The following ENPEP variants were observed in gnomAD, a reference collection of about 807,000 sequenced individuals.
ENPEP encodes the protein glutamyl aminopeptidase.
Under a neutral mutation model 114.5 loss-of-function variants are expected in ENPEP, and 103 were observed. That is an observed-to-expected ratio of 0.90 (90% confidence interval 0.77 to 1.06). The LOEUF is 1.06. Among genes scored for constraint, ENPEP ranks in the 50% least tolerant of loss-of-function variants. The pLI is 0.00. For synonymous variants in ENPEP, 420 were observed against 422.0 expected (o/e 1.00, Z 0.06); for missense variants, 1,196 against 1,161.3 (o/e 1.03, Z -0.43).
chr4:110,557,550 A>G (rs1356720984), intron 18 of ENPEP, among the ~76,000 whole-genome samples: 2 of 152,202 alleles, frequency 1.3e-5, no homozygotes, highest in African/African-American at 4.8e-5. Flanking sequence ...ACCTGATGCT[A>G]CAAAGGATGT....
chr4:110,515,935 A>G (rs1020315603), intron 8 of ENPEP: 3 of 374,580 alleles, frequency 8.0e-6, no homozygotes, highest in African/African-American at 6.3e-5. Context: ...TCTTATAAGG[A>G]TACTGGTTCC....
intron 10 of ENPEP, among the ~76,000 whole-genome samples, chr4:110,529,228 A>T (rs1726311545): frequency 6.6e-6 from 1 of 152,154 alleles, no homozygotes; most frequent in Admixed American, 6.5e-5. Context: ...TCAGATTGGC[A>T]TTGGGGAAAG....
At chr4:110,503,927 A>G (rs1725259311) in intron 3 of ENPEP, among the ~76,000 whole-genome samples, 1 of 152,220 alleles carries the variant, frequency 6.6e-6, no homozygotes, top group South Asian at 2.1e-4. Flanking sequence ...TTGCTCAGCC[A>G]CAAGGCTCCT....
At chr4:110,519,281 G>A (rs1332195755) in intron 8 of ENPEP, 1 of 308,030 alleles carries the variant, frequency 3.2e-6, no homozygotes. Context: ...GAGTGAAAAT[G>A]ATATGTGCAA....
chr4:110,543,933 G>A (rs1424551507), intron 13 of ENPEP, among the ~76,000 whole-genome samples: 1 of 151,940 alleles, frequency 6.6e-6, no homozygotes, highest in Non-Finnish European at 1.5e-5. Context: ...CAAACTGAAG[G>A]TTCATGAGGG....
At chr4:110,549,460 T>C (rs540166459) in intron 15 of ENPEP, 41 bp downstream of exon 15, 10 of 1,612,288 alleles carry the variant, frequency 6.2e-6, no homozygotes, top group African/African-American at 2.7e-5. Context: ...ATTTAACATT[T>C]GTTTTTTGTT....
intron 1 of ENPEP, among the ~76,000 whole-genome samples, chr4:110,485,523 TCAAGAAATTTAA>T (rs1022956367): frequency 6.6e-6 from 1 of 152,140 alleles, no homozygotes; most frequent in African/African-American, 2.4e-5. Context: ...GTCATCAAAA[TCAAGAAATTTAA>T]CATTAATACA....
intron 11 of ENPEP, among the ~76,000 whole-genome samples, chr4:110,535,116 G>A (rs1726562526): frequency 6.6e-6 from 1 of 152,158 alleles, no homozygotes; most frequent in Non-Finnish European, 1.5e-5. Context: ...AAGGATTGAA[G>A]GTTGTTATAT....
At chr4:110,527,665 G>A (rs909844908) in intron 10 of ENPEP, among the ~76,000 whole-genome samples, 2 of 152,034 alleles carry the variant, frequency 1.3e-5, no homozygotes, top group Non-Finnish European at 2.9e-5. Flanking sequence ...ACTATAAAGT[G>A]TTTCTTTTAT....
intron 2 of ENPEP, among the ~76,000 whole-genome samples, chr4:110,490,759 G>A (rs1291036734): frequency 6.6e-6 from 1 of 152,170 alleles, no homozygotes; most frequent in Non-Finnish European, 1.5e-5. Context: ...AGTGTAGACA[G>A]ATAAACTCCT....
chr4:110,479,910 C>G (rs1203616224), intron 1 of ENPEP, among the ~76,000 whole-genome samples: 1 of 152,088 alleles, frequency 6.6e-6, no homozygotes, highest in Non-Finnish European at 1.5e-5. Context: ...TAATAAGTTT[C>G]TATTATGTAC....
At position 110,561,667 on chromosome 4, in the gene ENPEP, C is replaced by A; in HGVS notation, c.*109C>A. ...GAGAGAGCCTTATAAACAGATAATG[C>A]TTTTACTAAGCACTGTGTTTATATG... On this transcript the variant is annotated 3_prime_UTR_variant, in exon 20 of 20. Coordinates refer to ENST00000265162, the MANE Select transcript of ENPEP (RefSeq NM_001977.4). 1.9e-6 allele frequency: 2 copies of A among 1,035,552 alleles called. No individual in the cohort carries two copies. Among genetic ancestry groups the A allele is most frequent in the Non-Finnish European group, 1.4e-6 (1 of 720,842 alleles). The allele number at this position is 1,035,552 out of a possible 1,614,324, so 64.1% of individuals were successfully genotyped here.
At chr4:110,533,130 TGTTTACAA>T in intron 11 of ENPEP, 1 of 449,238 alleles carries the variant, frequency 2.2e-6, no homozygotes, top group Non-Finnish European at 4.5e-6. Flanking sequence ...TTTGATTTAC[TGTTTACAA>T]GTTTGAAAGC....
At chr4:110,513,313 T>C in intron 6 of ENPEP, 102 bp from the exon 7 acceptor site, 1 of 1,301,322 alleles carries the variant, frequency 7.7e-7, no homozygotes, top group South Asian at 1.6e-5. Flanking sequence ...ACTTAAGTCA[T>C]TTATATTTAT....
Position 110,506,656 on chromosome 4 carries a change from C to G in ENPEP, c.938C>G (p.Pro313Arg). ...TAATAGCTTACAATTTATGTCCAGC[C>G]AGAGCAAAAGCACACAGCCGAATAT... The part of the protein sequence containing the change: ...SGKPLTIYVQ[P>R]EQKHTAEYAA... The change falls in exon 4 of 20, where the codon CCA becomes CGA. Residue 313 changes from proline (P) to arginine (R), a missense_variant. Transcript: ENST00000265162. 1 of 1,606,552 alleles carries G rather than the reference C, an allele frequency of 6.2e-7. No homozygotes were observed. The highest frequency in any genetic ancestry group is 8.5e-7 in the Non-Finnish European group (1 of 1,177,066).
chr4:110,561,516 C>T lies in ENPEP; in HGVS notation c.2832C>T (p.Asn944=). 1 of 1,613,732 alleles carries T rather than the reference C, an allele frequency of 6.2e-7. No homozygotes were observed. Among genetic ancestry groups the T allele is most frequent in the Non-Finnish European group, 8.5e-7 (1 of 1,179,806 alleles). Residue 944 remains asparagine, a synonymous_variant, in exon 20 of 20, where the codon AAC becomes AAT. Transcript: ENST00000265162. ...NNIEWLKQHR[N]TIREWFFNLL... ...TAGAGTGGCTAAAACAACATAGAAA[C>T]ACCATCAGAGAATGGTTTTTTAATT...
chr4:110,490,461 T>A (rs1389634034), intron 2 of ENPEP, among the ~76,000 whole-genome samples: 1 of 152,090 alleles, frequency 6.6e-6, no homozygotes, highest in Non-Finnish European at 1.5e-5. Flanking sequence ...TGATCGACAG[T>A]GAGGACAGCA....
chr4:110,549,250 A>G (rs925906912), intron 14 of ENPEP, 96 bp from the exon 15 acceptor site: 2 of 1,015,252 alleles, frequency 2.0e-6, no homozygotes, highest in Non-Finnish European at 3.0e-6. Flanking sequence ...AATTAGTAGG[A>G]AAACAGATTA....
intron 1 of ENPEP, among the ~76,000 whole-genome samples, chr4:110,478,375 G>T (rs950664269): frequency 6.6e-6 from 1 of 151,950 alleles, no homozygotes; most frequent in African/African-American, 2.4e-5. Flanking sequence ...TATTTTTTCT[G>T]TTCATAAGAA....
Sources: allele counts gnomAD v4.1 joint callset (sites outside exome capture counted in the v4.1 genomes callset), GRCh38; gene constraint gnomAD v4.1.1; transcripts MANE v1.5; gene names NCBI Gene and HGNC (gene_info 2026-07-23, HGNC 2026-07-21).